The following CTBP1 variants were observed in gnomAD, a reference collection of about 807,000 sequenced individuals.
The protein encoded by CTBP1 is C-terminal-binding protein 1.
In CTBP1, 11 loss-of-function variants were observed where a neutral mutation model predicts 42.1. The observed-to-expected ratio is 0.26, with a 90% CI of 0.16 to 0.43. The LOEUF is 0.43. CTBP1 is among the 20% of genes least tolerant of loss of function. The probability of loss-of-function intolerance (pLI) is 1.00; values close to 1 mark genes in which losing one functional copy is unlikely to be tolerated. For synonymous variants in CTBP1, 324 were observed against 277.1 expected (o/e 1.17, Z -1.68); for missense variants, 399 against 624.3 (o/e 0.64, Z 3.85).
intron 5 of CTBP1, among the ~76,000 whole-genome samples, chr4:1,224,678 T>C (rs1385068873): frequency 6.6e-6 from 1 of 151,892 alleles, no homozygotes; most frequent in East Asian, 1.9e-4. Flanking sequence ...GTGACGTCCG[T>C]GCAGGCCAGT....
rs150903258 is a variant in CTBP1, at chr4:1,239,245, G to A, written c.8-908C>T. ...AGAAGCATGGCAGCTTCCAGGCACC[G>A]CCCGACCGCCCCGTGCCAGGCAGGG... On this transcript the variant is annotated intron_variant, in intron 2 of 9. Coordinates refer to ENST00000382952, the MANE Select transcript of CTBP1 (RefSeq NM_001012614.2). 2.6e-3 allele frequency among the ~76,000 whole-genome samples: 398 copies of A among 152,278 alleles called. 2 individuals carry two copies. Among genetic ancestry groups the A allele is most frequent in the African/African-American group, 8.7e-3 (360 of 41,548 alleles).
At chr4:1,244,634 C>A in intron 1 of CTBP1, 3 of 985,402 alleles carry the variant, frequency 3.0e-6, no homozygotes, top group South Asian at 4.7e-5. Flanking sequence ...CCTAAAGCCG[C>A]TGCCCAGGAA....
intron 5 of CTBP1, among the ~76,000 whole-genome samples, chr4:1,222,062 CCAGA>C (rs1169058926): frequency 3.3e-5 from 5 of 152,220 alleles, no homozygotes; most frequent in African/African-American, 1.2e-4. Context: ...TAAGAACAAC[CCAGA>C]CAGTGTGTGC....
intron 1 of CTBP1, chr4:1,243,438 C>T (rs1003359875): frequency 1.9e-5 from 19 of 985,260 alleles, no homozygotes; most frequent in Non-Finnish European, 2.3e-5. Context: ...TCCTGTGGTT[C>T]CTTGTTCCAA....
At chr4:1,213,302 C>T (rs564216482) in intron 8 of CTBP1, among the ~76,000 whole-genome samples, 176 bp downstream of exon 8, 16 of 152,312 alleles carry the variant, frequency 1.1e-4, no homozygotes, top group Admixed American at 5.2e-4. Flanking sequence ...TAAGACACGA[C>T]GCCAGGGCTC....
chr4:1,212,533 A>C (rs1021856808), intron 9 of CTBP1, 110 bp from the exon 10 acceptor site: 1 of 962,410 alleles, frequency 1.0e-6, no homozygotes, highest in African/African-American at 1.7e-5. Context: ...GAGGACCAGC[A>C]GTCAGGGTAA....
At chr4:1,216,538 G>A (rs1729135360) in intron 5 of CTBP1, 3 of 465,432 alleles carry the variant, frequency 6.4e-6, no homozygotes, top group Non-Finnish European at 1.2e-5. Flanking sequence ...TGGTCAGTGG[G>A]TCTCCACCCA....
intron 1 of CTBP1, among the ~76,000 whole-genome samples, chr4:1,247,778 G>A (rs1049054484): frequency 6.8e-6 from 1 of 147,048 alleles, no homozygotes; most frequent in African/African-American, 2.5e-5. Context: ...GGGGGGGGGG[G>A]CTCGGGCTCA....
chr4:1,236,411 C>A, intron 3 of CTBP1: 1 of 554,626 alleles, frequency 1.8e-6, no homozygotes, highest in Non-Finnish European at 3.2e-6. Flanking sequence ...CGTGTGAAGA[C>A]CGCCGCGCAA....
chr4:1,248,842 G>GC (rs1041895632), intron 1 of CTBP1, 74 bp downstream of exon 1: 12 of 891,172 alleles, frequency 1.3e-5, no homozygotes, highest in Admixed American at 1.3e-4. Flanking sequence ...CCGCCCCCGC[G>GC]CCCCCCGCCC....
At position 1,225,468 on chromosome 4, in the gene CTBP1, G is replaced by A. The variant is rs1371264312; in HGVS notation, c.406C>T (p.His136Tyr). ...LNLYRRATWL[H>Y]QALREGTRVQ... ...CGTGTGCCCTCCCGCAGCGCCTGGT[G>A]CAGCCAGGTGGCCCGCCGGTACAGG... The change falls in exon 5 of 10, where the codon CAC becomes TAC. Residue 136 changes from histidine (H) to tyrosine (Y), a missense_variant. This residue lies in a region of CTBP1 where 309 missense variants were observed against 497.5 expected (regional missense o/e 0.62). Coordinates refer to ENST00000382952, the MANE Select transcript of CTBP1 (RefSeq NM_001012614.2). The A allele has an allele frequency of 5.2e-6, 8 of 1,542,776 alleles. No individual in the cohort carries two copies. The highest frequency in any genetic ancestry group is 1.7e-6 in the Non-Finnish European group (2 of 1,146,720).
At position 1,224,456 on chromosome 4, in the gene CTBP1, G is replaced by A. The variant is rs564897156; in HGVS notation, c.514+904C>T. ...TGTGACATCTGTGTGTTATCTGTGCGTGCCCATGAGGCCTGTGTGTGCTGT... is the reference window on the plus strand; with the variant it reads ...TGTGACATCTGTGTGTTATCTGTGCATGCCCATGAGGCCTGTGTGTGCTGT... On this transcript the variant is annotated intron_variant, in intron 5 of 9. Coordinates refer to ENST00000382952, the MANE Select transcript of CTBP1 (RefSeq NM_001012614.2). Among the ~76,000 whole-genome samples the A allele has an allele frequency of 9.6e-4, 146 of 151,564 alleles. 2 individuals carry two copies. The highest frequency in any genetic ancestry group is 3.5e-3 in the Admixed American group (54 of 15,222).
At chr4:1,242,404 T>A in intron 1 of CTBP1, 1 of 985,318 alleles carries the variant, frequency 1.0e-6, no homozygotes, top group African/African-American at 1.7e-5. Flanking sequence ...ATGGCAGGCG[T>A]GGGCTGAGAC....
intron 3 of CTBP1, among the ~76,000 whole-genome samples, chr4:1,228,594 C>T (rs1468303375): frequency 5.9e-5 from 9 of 152,214 alleles, no homozygotes; most frequent in East Asian, 1.9e-4. Context: ...GGCTGCAGGC[C>T]GGCACTGGTC....
intron 3 of CTBP1, among the ~76,000 whole-genome samples, chr4:1,232,156 G>T (rs1035119477): frequency 3.8e-4 from 58 of 152,316 alleles, no homozygotes; most frequent in Non-Finnish European, 8.8e-5. Context: ...CGATCCTCTG[G>T]CCTTGGCCTC....
Position 1,216,155 on chromosome 4 carries a change from C to T in CTBP1, c.565G>A (p.Val189Met), listed in dbSNP as rs1181562737. ...ALRAKAFGFNVLFYDPYLSDG... is the reference protein window; with the variant it reads ...ALRAKAFGFNMLFYDPYLSDG... ...GACAAGTAAGGGTCGTAGAAGAGCACGTTGAAGCCGAAGGCCTTGGCCCGC... is the reference window on the plus strand; with the variant it reads ...GACAAGTAAGGGTCGTAGAAGAGCATGTTGAAGCCGAAGGCCTTGGCCCGC... Residue 189 changes from valine to methionine, a missense_variant, in exon 6 of 10, where the codon GTG becomes ATG. Val to Met is a conservative substitution (Grantham distance 21). This residue lies in a region of CTBP1 where 309 missense variants were observed against 497.5 expected (regional missense o/e 0.62). Transcript: ENST00000382952. 6 of 1,610,890 alleles carry T rather than the reference C, an allele frequency of 3.7e-6. No individual in the cohort carries two copies. The highest frequency in any genetic ancestry group is 2.7e-5 in the African/African-American group (2 of 74,874).
At chr4:1,230,908 C>T (rs963262228) in intron 3 of CTBP1, among the ~76,000 whole-genome samples, 2 of 152,278 alleles carry the variant, frequency 1.3e-5, no homozygotes, top group African/African-American at 2.4e-5. Flanking sequence ...GCCCACCCAG[C>T]TGAGCTGTGA....
chr4:1,245,356 C>G (rs1408615416), intron 1 of CTBP1: 11 of 985,316 alleles, frequency 1.1e-5, no homozygotes, highest in Non-Finnish European at 1.3e-5. Flanking sequence ...AACCTGTGAG[C>G]TCCAGGAACC....
intron 6 of CTBP1, among the ~76,000 whole-genome samples, chr4:1,215,025 C>A (rs1448471983): frequency 6.6e-6 from 1 of 152,248 alleles, no homozygotes; most frequent in Admixed American, 6.5e-5. Flanking sequence ...TCCTGCAGCC[C>A]CCCCATTTCA....
Sources: allele counts gnomAD v4.1 joint callset (sites outside exome capture counted in the v4.1 genomes callset), GRCh38; gene constraint gnomAD v4.1.1; regional missense constraint gnomAD v4.1.1; transcripts MANE v1.5; gene names NCBI Gene and HGNC (gene_info 2026-07-23, HGNC 2026-07-21).